C1QTNF2: variants seen among roughly 807,000 people sequenced by gnomAD.
C1QTNF2 encodes complement C1q tumor necrosis factor-related protein 2.
A neutral mutation model predicts 17.4 loss-of-function variants in C1QTNF2; 15 were observed. The observed-to-expected ratio is 0.86, with a 90% CI of 0.58 to 1.33. The LOEUF is 1.33. C1QTNF2 is among the 40% of genes most tolerant of loss of function. The pLI is 0.00. For synonymous variants in C1QTNF2, 154 were observed against 163.3 expected (o/e 0.94, Z 0.44); for missense variants, 381 against 392.3 (o/e 0.97, Z 0.24).
At chr5:160,367,295 C>G (rs1166988945) in intron 1 of C1QTNF2, among the ~76,000 whole-genome samples, 1 of 152,176 alleles carries the variant, frequency 6.6e-6, no homozygotes, top group Non-Finnish European at 1.5e-5. Context: ...AGGATCTGGG[C>G]AGCACTGAGC....
intron 1 of C1QTNF2, among the ~76,000 whole-genome samples, chr5:160,368,525 CCTT>C (rs1291266006): frequency 1.4e-5 from 2 of 146,466 alleles, no homozygotes; most frequent in Non-Finnish European, 3.0e-5. Flanking sequence ...GAGCGAGACT[CCTT>C]CTCAAAAAAA....
chr5:160,361,532 T>A (rs147707108), intron 1 of C1QTNF2, among the ~76,000 whole-genome samples: 228 of 152,332 alleles, frequency 1.5e-3, no homozygotes, highest in African/African-American at 5.1e-3. Context: ...GGCATTTAAC[T>A]CCGTGGTTAA....
At chr5:160,355,337 G>A in intron 1 of C1QTNF2, 1 of 683,294 alleles carries the variant, frequency 1.5e-6, no homozygotes, top group South Asian at 6.6e-5. Context: ...CTGATGACTG[G>A]GAGGAGCTGT....
chr5:160,365,908 G>C (rs983012185), intron 1 of C1QTNF2, among the ~76,000 whole-genome samples: 3 of 152,160 alleles, frequency 2.0e-5, no homozygotes, highest in African/African-American at 7.2e-5. Flanking sequence ...TGTCCTAACA[G>C]GTAATCAGAA....
At chr5:160,360,657 T>C (rs1462249665) in intron 1 of C1QTNF2, among the ~76,000 whole-genome samples, 2 of 152,204 alleles carry the variant, frequency 1.3e-5, no homozygotes, top group East Asian at 3.9e-4. Flanking sequence ...TCTGAGTTCC[T>C]AAATTGTCCT....
At chr5:160,354,597 A>ATATATATATATATATATATAT (rs769774870) in intron 2 of C1QTNF2, among the ~76,000 whole-genome samples, 171 bp downstream of exon 2, 1 of 89,306 alleles carries the variant, frequency 1.1e-5, no homozygotes, top group African/African-American at 4.8e-5. Flanking sequence ...AAAAAAAAAA[A>ATATATATATATATATATATAT]GTATATATAT....
At chr5:160,355,878 A>G (rs1221665566) in intron 1 of C1QTNF2, among the ~76,000 whole-genome samples, 1 of 152,178 alleles carries the variant, frequency 6.6e-6, no homozygotes, top group African/African-American at 2.4e-5. Flanking sequence ...TCTTCTTCCA[A>G]TGTGGCACAG....
At chr5:160,367,883 T>A (rs1764275068) in intron 1 of C1QTNF2, among the ~76,000 whole-genome samples, 1 of 152,392 alleles carries the variant, frequency 6.6e-6, no homozygotes, top group Middle Eastern at 3.4e-3. Flanking sequence ...TCCATGTATG[T>A]TGTGTGTTCT....
chr5:160,349,049 G>C lies in C1QTNF2; in HGVS notation c.*119C>G. Reference sequence around the variant, plus strand: ...GGGGAAAAAAAGAGGCAGAGGAGGTGAGCCTGAGGCTAGAACCGCTCACTC... The same window carrying C: ...GGGGAAAAAAAGAGGCAGAGGAGGTCAGCCTGAGGCTAGAACCGCTCACTC... On this transcript the variant is annotated 3_prime_UTR_variant, in exon 3 of 3. Coordinates refer to ENST00000652664, the MANE Select transcript of C1QTNF2 (RefSeq NM_031908.6). This position sits in a 1 kb window ranked among gnomAD's most constrained non-coding sequence, Gnocchi z 4.3. 8.0e-7 allele frequency: 1 copy of C among 1,254,578 alleles called. No homozygotes were observed. Among genetic ancestry groups the C allele is most frequent in the Non-Finnish European group, 1.1e-6 (1 of 909,428 alleles). 77.7% of individuals were successfully genotyped at this position (1,254,578 alleles called of 1,614,324 possible).
chr5:160,355,378 C>T (rs939830901), intron 1 of C1QTNF2: 2 of 366,596 alleles, frequency 5.5e-6, no homozygotes, highest in East Asian at 1.7e-4. Flanking sequence ...TGGTTTCATC[C>T]AAATCTGTGG....
chr5:160,351,356 C>T lies in C1QTNF2; in HGVS notation c.245-1575G>A, dbSNP rs548329407. On this transcript the variant is annotated intron_variant, in intron 2 of 2. Coordinates refer to ENST00000652664, the MANE Select transcript of C1QTNF2 (RefSeq NM_031908.6). ...TCACTCGACACAAGGTTGTTAGAAC[C>T]ATATGAACTGGGTCAAGGAAGTAAA... 3.3e-5 allele frequency among the ~76,000 whole-genome samples: 5 copies of T among 152,286 alleles called. No homozygotes were observed. The East Asian group carries it at 7.7e-4, about 23-fold the overall frequency.
rs1763851889 is a variant in C1QTNF2 at position 160,348,944 on chromosome 5, T to C, written c.*224A>G. ...CTGCATCTTTCAGAGAATAGCATAG[T>C]GCCTGTTACACAGTAGATACTTTAA... On this transcript the variant is annotated 3_prime_UTR_variant, in exon 3 of 3. Transcript: ENST00000652664. The C allele has an allele frequency of 1.8e-6, 1 of 542,666 alleles. No homozygotes were observed. The highest frequency in any genetic ancestry group is 3.0e-5 in the East Asian group (1 of 33,336). 33.6% of individuals were successfully genotyped at this position (542,666 alleles called of 1,614,324 possible).
At chr5:160,351,895 G>A (rs1386153832) in intron 2 of C1QTNF2, among the ~76,000 whole-genome samples, 1 of 148,454 alleles carries the variant, frequency 6.7e-6, no homozygotes, top group East Asian at 2.0e-4. Flanking sequence ...AAGAGAAGAG[G>A]AATAGAGACA....
At chr5:160,352,111 A>G (rs766740140) in intron 2 of C1QTNF2, among the ~76,000 whole-genome samples, 24 of 152,104 alleles carry the variant, frequency 1.6e-4, no homozygotes, top group Admixed American at 1.4e-3. Flanking sequence ...GTGTCTCCCT[A>G]TGTTGCCCAG....
chr5:160,352,777 T>C (rs761611455), intron 2 of C1QTNF2, among the ~76,000 whole-genome samples: 31 of 152,242 alleles, frequency 2.0e-4, no homozygotes, highest in Non-Finnish European at 4.0e-4. Flanking sequence ...GTTACTTTTA[T>C]ACTAATCTCC....
At position 160,370,532 on chromosome 5, in the gene C1QTNF2, TC is replaced by T; in HGVS notation, c.-31del. ...CTCACCCTCGCGGCTGCCCGCCACG[TC>T]CAGGGGCGTCCGGAGCAAAGAAGCT... On this transcript the variant is annotated 5_prime_UTR_variant, in exon 1 of 3. Transcript: ENST00000652664. 1 of 1,489,680 alleles carries T rather than the reference TC, an allele frequency of 6.7e-7. No homozygotes were observed. Among genetic ancestry groups the T allele is most frequent in the Non-Finnish European group, 8.9e-7 (1 of 1,129,170 alleles). 92.3% of individuals were successfully genotyped at this position (1,489,680 alleles called of 1,614,324 possible).
intron 1 of C1QTNF2, among the ~76,000 whole-genome samples, chr5:160,356,969 C>T (rs1230352587): frequency 6.6e-6 from 1 of 152,008 alleles, no homozygotes; most frequent in African/African-American, 2.4e-5. Context: ...TCATTGCCCA[C>T]ATCCCAGCAG....
At chr5:160,363,812 C>T (rs1225496978) in intron 1 of C1QTNF2, among the ~76,000 whole-genome samples, 1 of 152,162 alleles carries the variant, frequency 6.6e-6, no homozygotes, top group African/African-American at 2.4e-5. Flanking sequence ...TTTTCTGCCA[C>T]GTGGAGACCA....
chr5:160,353,788 CTT>C (rs200777932), intron 2 of C1QTNF2, among the ~76,000 whole-genome samples: 113 of 85,868 alleles, frequency 1.3e-3, no homozygotes, highest in African/African-American at 2.2e-3. Flanking sequence ...ACTTCTCAGG[CTT>C]TTTTTTTTTT....
Sources: gnomAD v4.1 joint callset for allele counts (sites outside exome capture counted in the v4.1 genomes callset) on GRCh38, gnomAD v4.1.1 for gene constraint, Gnocchi (gnomAD v3.1) non-coding constraint, MANE v1.5 for transcripts, NCBI Gene and HGNC (gene_info 2026-07-23, HGNC 2026-07-21) for gene names.